The following GSE1 variants were observed in gnomAD, a reference collection of about 807,000 sequenced individuals.
GSE1 encodes genetic suppressor element 1.
A neutral mutation model predicts 112.6 loss-of-function variants in GSE1; 32 were observed. The observed-to-expected ratio is 0.28, with a 90% CI of 0.21 to 0.38. The LOEUF (loss-of-function observed/expected upper bound fraction) is 0.38, where lower values mean the gene tolerates loss of function less well. GSE1 is among the 10% of genes least tolerant of loss of function. GSE1 has a pLI of 1.00. For synonymous variants in GSE1, 1,115 were observed against 735.6 expected (o/e 1.52, Z -8.35); for missense variants, 2,348 against 1,699.2 (o/e 1.38, Z -6.71).
rs2053542847 is a variant in GSE1, at chr16:85,674,025, T to TTCCTCCTTGTCCTAG, written c.*1488_*1502dup. ...ACCAAGGCAAAGCAACGGGCGAGTC[T>TTCCTCCTTGTCCTAG]TCCTCCTTGTCCTAGTTACTGCCTA... On this transcript the variant is annotated 3_prime_UTR_variant, in exon 16 of 16. Coordinates refer to ENST00000253458, the MANE Select transcript of GSE1 (RefSeq NM_014615.5). 1 of 152,286 alleles carries TTCCTCCTTGTCCTAG rather than the reference T, an allele frequency of 6.6e-6. No homozygotes were observed. The highest frequency in any genetic ancestry group is 1.5e-5 in the Non-Finnish European group (1 of 68,076). The allele number at this position is 152,286 out of a possible 1,614,324, so 9.4% of individuals were successfully genotyped here.
At chr16:85,559,125 G>A (rs540624645) in intron 1 of GSE1, among the ~76,000 whole-genome samples, 53 of 152,334 alleles carry the variant, frequency 3.5e-4, no homozygotes, top group Non-Finnish European at 5.6e-4. Flanking sequence ...CCCACCTTGG[G>A]CTGGGATTAC....
chr16:85,331,255 C>G (rs1011092766), intron 1 of GSE1, among the ~76,000 whole-genome samples: 2 of 149,712 alleles, frequency 1.3e-5, no homozygotes, highest in African/African-American at 4.9e-5. Flanking sequence ...CGAGTTCAAG[C>G]GATTCTCCTG....
intron 1 of GSE1, among the ~76,000 whole-genome samples, chr16:85,298,900 C>T (rs1431615603): frequency 6.6e-6 from 1 of 152,216 alleles, no homozygotes; most frequent in Non-Finnish European, 1.5e-5. Flanking sequence ...TATGTCTGTG[C>T]TGGTGGACGG....
intron 2 of GSE1, among the ~76,000 whole-genome samples, chr16:85,636,215 G>A (rs1254584262): frequency 6.6e-6 from 1 of 152,218 alleles, no homozygotes; most frequent in African/African-American, 2.4e-5. Context: ...GAACTGAATG[G>A]CAGAGGGTCG....
chr16:85,173,270 C>G (rs1228383054), intron 1 of GSE1, among the ~76,000 whole-genome samples: 1 of 152,210 alleles, frequency 6.6e-6, no homozygotes, highest in Non-Finnish European at 1.5e-5. Flanking sequence ...TCAGACAACA[C>G]TCAGTCAGTA....
At chr16:85,375,963 C>T (rs903675690) in intron 2 of GSE1, among the ~76,000 whole-genome samples, 67 of 152,164 alleles carry the variant, frequency 4.4e-4, no homozygotes, top group Admixed American at 3.9e-3. Flanking sequence ...CCAGGTGTGC[C>T]GGGGGCCTGG....
At chr16:85,215,144 C>T (rs2075287672) in intron 1 of GSE1, among the ~76,000 whole-genome samples, 2 of 152,222 alleles carry the variant, frequency 1.3e-5, no homozygotes, top group Admixed American at 1.3e-4. Flanking sequence ...AGAGCTTTGA[C>T]TCCGAATTCT....
chr16:85,193,978 T>C (rs535233815), intron 1 of GSE1, among the ~76,000 whole-genome samples: 52 of 152,054 alleles, frequency 3.4e-4, no homozygotes, highest in Non-Finnish European at 6.0e-4. Context: ...TGCGCGCGCG[T>C]GTTTGTGTGT....
chr16:85,656,104 T>C (rs1450353429), intron 6 of GSE1, among the ~76,000 whole-genome samples, 187 bp downstream of exon 6: 1 of 152,110 alleles, frequency 6.6e-6, no homozygotes, highest in Non-Finnish European at 1.5e-5. Flanking sequence ...TCGGTAGCCG[T>C]GGTCTCCTGC....
chr16:85,590,174 T>C (rs1042104297), intron 1 of GSE1, among the ~76,000 whole-genome samples: 2 of 151,912 alleles, frequency 1.3e-5, no homozygotes, highest in African/African-American at 2.4e-5. Flanking sequence ...GTGTGTGACA[T>C]TGTGTATGTC....
chr16:85,368,204 G>C (rs1246982660), intron 2 of GSE1, among the ~76,000 whole-genome samples: 1 of 152,148 alleles, frequency 6.6e-6, no homozygotes, highest in Non-Finnish European at 1.5e-5. Flanking sequence ...TGGGTCAAGA[G>C]CTGATGTTCC....
Position 85,656,444 on chromosome 16 carries a change from AAC to A in GSE1, c.1092_1093del (p.Lys367GlyfsTer9). 6.4e-7 allele frequency: 1 copy of A among 1,558,568 alleles called. No homozygotes were observed. Among genetic ancestry groups the A allele is most frequent in the Non-Finnish European group, 8.7e-7 (1 of 1,147,396 alleles). ...GAGCGGGAGAAGGAACGTGAGCGCG[AAC>A]GCGAGAAGGAGCGCGAGCAAGAGAA... On this transcript the variant is annotated frameshift_variant, in exon 7 of 16. Coordinates refer to ENST00000253458, the MANE Select transcript of GSE1 (RefSeq NM_014615.5). LOFTEE classifies it high-confidence loss of function.
chr16:85,220,011 T>C (rs2075365069), intron 1 of GSE1, among the ~76,000 whole-genome samples: 1 of 152,168 alleles, frequency 6.6e-6, no homozygotes, highest in Non-Finnish European at 1.5e-5. Flanking sequence ...AGGTGGGCGC[T>C]CCCTTCTCCC....
At chr16:85,338,348 C>G (rs1451310710) in intron 1 of GSE1, among the ~76,000 whole-genome samples, 3 of 152,228 alleles carry the variant, frequency 2.0e-5, no homozygotes, top group African/African-American at 7.2e-5. Flanking sequence ...CCGGGCTGCT[C>G]TGAGTGGTAG....
At chr16:85,448,318 G>C (rs934440849) in intron 2 of GSE1, among the ~76,000 whole-genome samples, 2 of 152,208 alleles carry the variant, frequency 1.3e-5, no homozygotes, top group Non-Finnish European at 2.9e-5. Flanking sequence ...TGATTCTGCT[G>C]TGCAGCCAGG....
At chr16:85,636,622 C>G (rs2050020171) in intron 2 of GSE1, among the ~76,000 whole-genome samples, 1 of 152,204 alleles carries the variant, frequency 6.6e-6, no homozygotes, top group South Asian at 2.1e-4. Flanking sequence ...TCAGAGAGGA[C>G]AAGTCGCAAG....
chr16:85,667,937 G>A (rs181098304), intron 13 of GSE1, among the ~76,000 whole-genome samples: 3 of 143,070 alleles, frequency 2.1e-5, no homozygotes, highest in Non-Finnish European at 4.6e-5. Context: ...TCAGGGCTGC[G>A]TTGTCTCCTG....
intron 1 of GSE1, among the ~76,000 whole-genome samples, chr16:85,173,376 A>G (rs2074397010): frequency 1.3e-5 from 2 of 152,218 alleles, no homozygotes; most frequent in African/African-American, 4.8e-5. Context: ...TCCTTGGTTG[A>G]GAAGTGGAAA....
chr16:85,477,424 C>A (rs2050492509), intron 2 of GSE1, among the ~76,000 whole-genome samples: 1 of 152,090 alleles, frequency 6.6e-6, no homozygotes. Context: ...TGCCCCCCAG[C>A]CACAGTCAAA....
Sources: allele counts gnomAD v4.1 joint callset (sites outside exome capture counted in the v4.1 genomes callset), GRCh38; gene constraint gnomAD v4.1.1; transcripts MANE v1.5; gene names NCBI Gene and HGNC (gene_info 2026-07-23, HGNC 2026-07-21).